Variants in NKAIN2 observed in about 807,000 individuals in gnomAD.
NKAIN2 encodes the protein sodium/potassium-transporting ATPase subunit beta-1-interacting protein 2.
Under a neutral mutation model 32.6 loss-of-function variants are expected in NKAIN2, and 14 were observed. The ratio of observed to expected loss-of-function variants is 0.43; its 90% CI spans 0.28 to 0.67. The LOEUF is 0.67. Ranked by LOEUF, NKAIN2 falls within the 30% of genes least tolerant of loss-of-function variation. The pLI is 0.17. For missense variants in NKAIN2, 198 were observed against 258.3 expected (o/e 0.77, Z 1.60); for synonymous variants, 80 against 87.2 (o/e 0.92, Z 0.46).
At position 124,587,239 on chromosome 6, in the gene NKAIN2, C is replaced by CT. The variant is rs1421351911; in HGVS notation, c.274-70938dup. Among the ~76,000 whole-genome samples, 374 of 151,352 alleles carry CT rather than the reference C, an allele frequency of 2.5e-3. 2 individuals are homozygous for CT. Among genetic ancestry groups the CT allele is most frequent in the African/African-American group, 8.5e-3 (353 of 41,302 alleles). On this transcript the variant is annotated intron_variant, in intron 3 of 6. Transcript: ENST00000368417. ...AAGTAGAGGTAGGATCCAAACTCCT[C>CT]TTTTTTTTTGAGATGGAGTCTCGCT...
chr6:124,213,829 T>C (rs1791316479), intron 1 of NKAIN2, among the ~76,000 whole-genome samples: 1 of 152,160 alleles, frequency 6.6e-6, no homozygotes, highest in African/African-American at 2.4e-5. Context: ...TTGCATAGGA[T>C]GAACAAGTGT....
chr6:124,275,923 T>G (rs1002036965), intron 1 of NKAIN2, among the ~76,000 whole-genome samples: 2 of 152,078 alleles, frequency 1.3e-5, no homozygotes, highest in Admixed American at 6.6e-5. Flanking sequence ...TCTTAGGACT[T>G]ATGTATTATA....
chr6:124,361,943 A>T (rs1340022922), intron 3 of NKAIN2, among the ~76,000 whole-genome samples: 1 of 152,120 alleles, frequency 6.6e-6, no homozygotes, highest in African/African-American at 2.4e-5. Context: ...CAATAAAACC[A>T]ATGCTTGTAT....
chr6:124,068,420 T>C (rs1317333819), intron 1 of NKAIN2, among the ~76,000 whole-genome samples: 6 of 152,108 alleles, frequency 3.9e-5, no homozygotes. Context: ...AGACAAGGTC[T>C]TACTCTGTCA....
chr6:124,478,072 G>T (rs771139705), intron 3 of NKAIN2, among the ~76,000 whole-genome samples: 3 of 152,006 alleles, frequency 2.0e-5, no homozygotes, highest in Admixed American at 6.6e-5. Context: ...TTGGTGAAAG[G>T]ATAAAGGAGA....
chr6:124,708,810 C>T (rs1775260170), intron 4 of NKAIN2, among the ~76,000 whole-genome samples: 1 of 149,046 alleles, frequency 6.7e-6, no homozygotes, highest in Non-Finnish European at 1.5e-5. Context: ...TTCCTCTTTT[C>T]CTAATTGAAT....
chr6:124,242,248 C>G (rs755735470), intron 1 of NKAIN2, among the ~76,000 whole-genome samples: 5 of 152,156 alleles, frequency 3.3e-5, no homozygotes, highest in African/African-American at 7.2e-5. Context: ...TGAACAGACA[C>G]TTCTCAAAAG....
chr6:124,657,270 A>G (rs1374074006), intron 3 of NKAIN2, among the ~76,000 whole-genome samples: 1 of 152,148 alleles, frequency 6.6e-6, no homozygotes, highest in African/African-American at 2.4e-5. Flanking sequence ...ATAGAGTGCA[A>G]TTTCCCATAA....
At chr6:124,151,688 A>G (rs1787732895) in intron 1 of NKAIN2, among the ~76,000 whole-genome samples, 1 of 151,940 alleles carries the variant, frequency 6.6e-6, no homozygotes, top group African/African-American at 2.4e-5. Flanking sequence ...CATTTTAGCA[A>G]TCTAACTAGT....
chr6:124,482,954 C>T (rs1777511585), intron 3 of NKAIN2, among the ~76,000 whole-genome samples: 1 of 152,072 alleles, frequency 6.6e-6, no homozygotes, highest in Non-Finnish European at 1.5e-5. Context: ...AACCCTGTCT[C>T]TACTAAAAAT....
At chr6:123,818,623 G>A (rs752442237) in intron 1 of NKAIN2, among the ~76,000 whole-genome samples, 2 of 151,966 alleles carry the variant, frequency 1.3e-5, no homozygotes, top group Admixed American at 6.6e-5. Flanking sequence ...GATTTCCTTC[G>A]GTAACACTTT....
At chr6:123,805,152 A>G (rs913365436) in intron 1 of NKAIN2, among the ~76,000 whole-genome samples, 1 of 152,188 alleles carries the variant, frequency 6.6e-6, no homozygotes, top group Non-Finnish European at 1.5e-5. Context: ...CTAAGTGGTT[A>G]ATTTGAGGTA....
chr6:124,167,011 G>A lies in NKAIN2; in HGVS notation c.55-115994G>A, dbSNP rs1298893701. Among the ~76,000 whole-genome samples the A allele has an allele frequency of 1.7e-4, 26 of 150,530 alleles. No individual in the cohort carries two copies. The South Asian group carries it at 5.5e-3, about 32-fold the overall frequency. The stretch of plus-strand genomic sequence containing the variant: ...GACTTGGGGATGCGGGCTCTTTTTT[G>A]GTTCCATATGAACTTTAAAGTAGTT... On this transcript the variant is annotated intron_variant, in intron 1 of 6. Coordinates refer to ENST00000368417, the MANE Select transcript of NKAIN2 (RefSeq NM_001040214.3).
intron 1 of NKAIN2, among the ~76,000 whole-genome samples, chr6:124,216,291 A>G (rs771872783): frequency 1.3e-5 from 2 of 152,178 alleles, no homozygotes; most frequent in Non-Finnish European, 2.9e-5. Flanking sequence ...CCTAAGAGGA[A>G]TTATAACTGC....
chr6:124,011,202 T>C (rs1562307204), intron 1 of NKAIN2, among the ~76,000 whole-genome samples: 1 of 152,184 alleles, frequency 6.6e-6, no homozygotes, highest in African/African-American at 2.4e-5. Flanking sequence ...TCCTTCTGAC[T>C]CTCTGAGTCC....
Position 124,149,765 on chromosome 6 carries a change from C to A in NKAIN2, c.55-133240C>A, listed in dbSNP as rs115075390. Among the ~76,000 whole-genome samples the A allele has an allele frequency of 5.0e-3, 757 of 152,236 alleles. 8 individuals are homozygous for A. Among genetic ancestry groups the A allele is most frequent in the African/African-American group, 0.015 (632 of 41,538 alleles). On this transcript the variant is annotated intron_variant, in intron 1 of 6. Coordinates refer to ENST00000368417, the MANE Select transcript of NKAIN2 (RefSeq NM_001040214.3). ...GTTCTTTTTTGCCGGGTCTGTCCTG[C>A]AGACCCTGGCTGATGGACGAAATGA...
intron 1 of NKAIN2, among the ~76,000 whole-genome samples, chr6:123,997,543 T>G (rs950145490): frequency 3.3e-5 from 5 of 151,682 alleles, no homozygotes; most frequent in African/African-American, 1.2e-4. Context: ...GCAGTTTGGC[T>G]ATTTTTTAAA....
At chr6:124,472,338 A>G (rs1014167496) in intron 3 of NKAIN2, among the ~76,000 whole-genome samples, 1 of 152,198 alleles carries the variant, frequency 6.6e-6, no homozygotes, top group African/African-American at 2.4e-5. Context: ...ATGAAGAGTT[A>G]CAATCCTATA....
intron 1 of NKAIN2, among the ~76,000 whole-genome samples, chr6:123,976,362 T>C (rs1582872291): frequency 3.7e-5 from 1 of 26,690 alleles, no homozygotes; most frequent in South Asian, 9.8e-4. Flanking sequence ...TATATATATA[T>C]ATATATTCCC....
Sources: allele counts gnomAD v4.1 joint callset (sites outside exome capture counted in the v4.1 genomes callset), GRCh38; gene constraint gnomAD v4.1.1; transcripts MANE v1.5; gene names NCBI Gene and HGNC (gene_info 2026-07-23, HGNC 2026-07-21).